PRKG1: variants seen among roughly 807,000 people sequenced by gnomAD.
The protein encoded by PRKG1 is cGMP-dependent protein kinase 1.
In PRKG1, 35 loss-of-function variants were observed where a neutral mutation model predicts 88.1. The ratio of observed to expected loss-of-function variants is 0.40; its 90% CI spans 0.30 to 0.53. The LOEUF is 0.53. Ranked by LOEUF, PRKG1 falls within the 20% of genes least tolerant of loss-of-function variation. The pLI, the probability that PRKG1 is intolerant of heterozygous loss-of-function variation, is 0.59. For synonymous variants in PRKG1, 303 were observed against 292.5 expected (o/e 1.04, Z -0.37); for missense variants, 540 against 839.8 (o/e 0.64, Z 4.41).
At chr10:51,540,178 G>T (rs975559469) in intron 3 of PRKG1, among the ~76,000 whole-genome samples, 1 of 152,186 alleles carries the variant, frequency 6.6e-6, no homozygotes, top group Non-Finnish European at 1.5e-5. Context: ...TACTCTGGAA[G>T]TAAGCTATAA....
chr10:51,432,546 T>C (rs576415345), intron 2 of PRKG1, among the ~76,000 whole-genome samples: 1 of 152,264 alleles, frequency 6.6e-6, no homozygotes, highest in South Asian at 2.1e-4. Context: ...TGTGAATTCC[T>C]AATGAATTTC....
At chr10:52,266,761 G>T (rs1841579616) in intron 10 of PRKG1, among the ~76,000 whole-genome samples, 1 of 151,414 alleles carries the variant, frequency 6.6e-6, no homozygotes, top group Non-Finnish European at 1.5e-5. Flanking sequence ...TGAGTAATTT[G>T]TCCAAGAGAA....
intron 2 of PRKG1, among the ~76,000 whole-genome samples, chr10:51,267,635 C>T (rs10996452): frequency 0.11 from 17,114 of 152,086 alleles, 1,343 homozygotes; most frequent in African/African-American, 0.22. Flanking sequence ...TGGTCCTCAT[C>T]TCTCACCTTA....
chr10:51,831,571 G>A (rs1007447195), intron 4 of PRKG1, among the ~76,000 whole-genome samples: 2 of 152,140 alleles, frequency 1.3e-5, no homozygotes, highest in Non-Finnish European at 2.9e-5. Context: ...TGGCTGCTCC[G>A]TAAATTTTTC....
chr10:51,279,699 C>A (rs1840237597), intron 2 of PRKG1, among the ~76,000 whole-genome samples: 1 of 152,104 alleles, frequency 6.6e-6, no homozygotes, highest in Non-Finnish European at 1.5e-5. Flanking sequence ...AGGATTGCAA[C>A]CCCTGCCTTT....
At chr10:52,244,832 T>TTAAATATATA (rs1840975658) in intron 9 of PRKG1, among the ~76,000 whole-genome samples, 1 of 28,136 alleles carries the variant, frequency 3.6e-5, no homozygotes, top group African/African-American at 7.7e-5. Context: ...TTAAATATAC[T>TTAAATATATA]TTAATATATA....
At chr10:51,689,111 C>T (rs191437552) in intron 3 of PRKG1, among the ~76,000 whole-genome samples, 16 of 152,256 alleles carry the variant, frequency 1.1e-4, no homozygotes, top group East Asian at 3.9e-4. Context: ...TCCTCAGCCA[C>T]GTGGAACTGT....
intron 5 of PRKG1, among the ~76,000 whole-genome samples, chr10:52,041,929 TAAAG>T (rs1315961187): frequency 6.6e-6 from 1 of 151,862 alleles, no homozygotes; most frequent in Non-Finnish European, 1.5e-5. Context: ...AAAAAAGAAA[TAAAG>T]AAATCTCATT....
chr10:51,577,967 C>T (rs1333404738), intron 3 of PRKG1, among the ~76,000 whole-genome samples: 1 of 152,038 alleles, frequency 6.6e-6, no homozygotes, highest in African/African-American at 2.4e-5. Context: ...GTTTCTGTGA[C>T]TAGTAGGCTA....
intron 3 of PRKG1, among the ~76,000 whole-genome samples, chr10:51,610,898 G>T (rs142667105): frequency 1.3e-5 from 2 of 152,046 alleles, no homozygotes; most frequent in African/African-American, 2.4e-5. Context: ...TCAGGGCTTG[G>T]GGGGAAAGGG....
chr10:52,001,020 A>C (rs1011391196), intron 5 of PRKG1, among the ~76,000 whole-genome samples: 1 of 151,932 alleles, frequency 6.6e-6, no homozygotes, highest in Non-Finnish European at 1.5e-5. Flanking sequence ...CCAAACACCT[A>C]GTAACTACCA....
intron 7 of PRKG1, among the ~76,000 whole-genome samples, chr10:52,119,294 T>C (rs894041813): frequency 1.3e-5 from 2 of 152,164 alleles, no homozygotes; most frequent in South Asian, 4.1e-4. Flanking sequence ...AACAGTGCCA[T>C]GATTTTGATC....
At chr10:51,173,034 A>G (rs932982316) in intron 2 of PRKG1, among the ~76,000 whole-genome samples, 1 of 151,740 alleles carries the variant, frequency 6.6e-6, no homozygotes. Flanking sequence ...TGACACTACA[A>G]CTCCACAAAT....
At chr10:51,514,523 C>T (rs1028136018) in intron 3 of PRKG1, among the ~76,000 whole-genome samples, 2 of 152,086 alleles carry the variant, frequency 1.3e-5, no homozygotes, top group African/African-American at 2.4e-5. Context: ...GAGTTTATTC[C>T]AAACTTAAAG....
chr10:51,588,109 A>G (rs901214246), intron 3 of PRKG1, among the ~76,000 whole-genome samples: 2 of 152,218 alleles, frequency 1.3e-5, no homozygotes, highest in Non-Finnish European at 2.9e-5. Context: ...TCTCTTGACA[A>G]ACTTATCAGA....
intron 7 of PRKG1, among the ~76,000 whole-genome samples, chr10:52,083,786 T>A (rs1846840442): frequency 6.6e-6 from 1 of 152,056 alleles, no homozygotes; most frequent in Admixed American, 6.6e-5. Flanking sequence ...TAGATGTAGA[T>A]TTATTTTATG....
At chr10:52,165,067 C>T (rs1404168657) in intron 9 of PRKG1, among the ~76,000 whole-genome samples, 3 of 152,048 alleles carry the variant, frequency 2.0e-5, no homozygotes, top group Admixed American at 2.0e-4. Context: ...AAGTCTAAAA[C>T]CTTTGATCCA....
chr10:51,746,793 A>G (rs1382986388), intron 3 of PRKG1, among the ~76,000 whole-genome samples: 1 of 152,010 alleles, frequency 6.6e-6, no homozygotes, highest in Non-Finnish European at 1.5e-5. Context: ...AAAAGAAAGC[A>G]TTTGCTCCAT....
At chr10:51,525,172 G>A (rs567868295) in intron 3 of PRKG1, among the ~76,000 whole-genome samples, 70 of 150,988 alleles carry the variant, frequency 4.6e-4, no homozygotes, top group African/African-American at 1.6e-3. Flanking sequence ...AGGAAGAGAA[G>A]GAAGAGGAGG....
Sources: gnomAD v4.1 joint callset for allele counts (sites outside exome capture counted in the v4.1 genomes callset) on GRCh38, gnomAD v4.1.1 for gene constraint, MANE v1.5 for transcripts, NCBI Gene and HGNC (gene_info 2026-07-23, HGNC 2026-07-21) for gene names.